The following LYPLA2 variants were observed in gnomAD, a reference collection of about 807,000 sequenced individuals.
LYPLA2 encodes acyl-protein thioesterase 2.
LYPLA2 carries 7 observed loss-of-function variants against 30.3 expected under a neutral mutation model. The observed-to-expected ratio is 0.23, with a 90% CI of 0.13 to 0.43. The LOEUF is 0.43. Among genes scored for constraint, LYPLA2 ranks in the 20% least tolerant of loss-of-function variants. The pLI is 1.00. For missense variants in LYPLA2, 206 were observed against 307.9 expected (o/e 0.67, Z 2.48); for synonymous variants, 112 against 118.2 (o/e 0.95, Z 0.34).
Position 23,793,785 on chromosome 1 carries a change from G to A in LYPLA2, c.224+33G>A, listed in dbSNP as rs570739852. The A allele has an allele frequency of 2.5e-5, 41 of 1,613,336 alleles. No homozygotes were observed. Among genetic ancestry groups the A allele is most frequent in the Admixed American group, 1.0e-4 (6 of 60,018 alleles). ...TGGGAGTGGGGGTGGGCAGGGGGAC[G>A]AGGACACTTGGGCTGAGGGAGCCAC... On this transcript the variant is annotated intron_variant, in intron 5 of 9. Transcript: ENST00000374514. This position sits in a 1 kb window ranked among gnomAD's most constrained non-coding sequence, Gnocchi z 6.0.
chr1:23,792,674 G>C lies in LYPLA2; in HGVS notation c.-9G>C, dbSNP rs369787181. On this transcript the variant is annotated 5_prime_UTR_variant, in exon 2 of 10. Coordinates refer to ENST00000374514, the MANE Select transcript of LYPLA2 (RefSeq NM_007260.3). ...GTATGCAGGCCCCCGCCGTGGAGCC[G>C]TGTGGTGTATGTGTGGTAACACCAT... is the stretch of plus-strand genomic sequence containing the variant. 3 of 1,610,868 alleles carry C rather than the reference G, an allele frequency of 1.9e-6. No individual in the cohort carries two copies. Among genetic ancestry groups the C allele is most frequent in the Non-Finnish European group, 2.5e-6 (3 of 1,179,204 alleles).
Position 23,793,313 on chromosome 1 carries a change from G to GAGCCCAAGCCCCA in LYPLA2, c.176+97_176+98insAGCCCAAGCCCCA. 1 of 1,315,894 alleles carries GAGCCCAAGCCCCA rather than the reference G, an allele frequency of 7.6e-7. No homozygotes were observed. The highest frequency in any genetic ancestry group is 1.1e-6 in the Non-Finnish European group (1 of 922,594). 81.5% of individuals were successfully genotyped at this position (1,315,894 alleles called of 1,614,324 possible). A position where few individuals can be genotyped will look rare whatever the true frequency, so the allele number is the denominator to read the frequency against. The stretch of plus-strand genomic sequence containing the variant: ...TGTTCTCTCCTGTCAGTTGCATCCT[G>GAGCCCAAGCCCCA]GGGCTTGGGCTCAGGGCAGTCAGAA... On this transcript the variant is annotated intron_variant, in intron 4 of 9. Transcript: ENST00000374514. The surrounding 1 kb of genome is among the most constrained non-coding windows in gnomAD (Gnocchi z 6.0).
In LYPLA2 at chr1:23,792,699, T is replaced by C; in HGVS notation, c.17T>C (p.Met6Thr). The C allele has an allele frequency of 1.9e-6, 3 of 1,611,982 alleles. No homozygotes were observed. The highest frequency in any genetic ancestry group is 2.5e-6 in the Non-Finnish European group (3 of 1,179,916). MCGNTMSVPLLTDAAT... is the reference protein window; with the variant it reads MCGNTTSVPLLTDAAT... The stretch of plus-strand genomic sequence containing the variant: ...GTGTGGTGTATGTGTGGTAACACCA[T>C]GTCTGTGCCCCTGCTCACCGATGCT... Residue 6 changes from methionine to threonine, a missense_variant, in exon 2 of 10, where the codon ATG becomes ACG. Transcript: ENST00000374514.
In LYPLA2 at chr1:23,793,762, G is replaced by A; in HGVS notation, c.224+10G>A. The stretch of plus-strand genomic sequence containing the variant: ...TGGTGATGCCCTCCTGGTGAGTTTG[G>A]GAGTGGGGGTGGGCAGGGGGACGAG... On this transcript the variant is annotated intron_variant, in intron 5 of 9. Coordinates refer to ENST00000374514, the MANE Select transcript of LYPLA2 (RefSeq NM_007260.3). The surrounding 1 kb of genome is among the most constrained non-coding windows in gnomAD (Gnocchi z 6.0). The A allele has an allele frequency of 6.2e-7, 1 of 1,614,048 alleles. No individual in the cohort carries two copies. The highest frequency in any genetic ancestry group is 8.5e-7 in the Non-Finnish European group (1 of 1,179,950).
chr1:23,793,508 T>C lies in LYPLA2; in HGVS notation c.177-197T>C. Reference sequence around the variant, plus strand: ...GACCCCGTCACACCAAGCGCTGGGCTCTGCTTCTCCATTACTGGCGCTTTG... The same window carrying C: ...GACCCCGTCACACCAAGCGCTGGGCCCTGCTTCTCCATTACTGGCGCTTTG... On this transcript the variant is annotated intron_variant, in intron 4 of 9. Coordinates refer to ENST00000374514, the MANE Select transcript of LYPLA2 (RefSeq NM_007260.3). The surrounding 1 kb of genome is among the most constrained non-coding windows in gnomAD (Gnocchi z 6.0). The C allele has an allele frequency of 1.5e-6, 1 of 669,242 alleles. No individual in the cohort carries two copies. The highest frequency in any genetic ancestry group is 2.6e-6 in the Non-Finnish European group (1 of 378,354). The allele number at this position is 669,242 out of a possible 1,614,324, so 41.5% of individuals were successfully genotyped here.
chr1:23,793,613 CACCAGGGGCG>C lies in LYPLA2; in HGVS notation c.177-91_177-82del. 2 of 1,330,362 alleles carry C rather than the reference CACCAGGGGCG, an allele frequency of 1.5e-6. No homozygotes were observed. The highest frequency in any genetic ancestry group is 1.2e-5 in the South Asian group (1 of 84,984). The allele number at this position is 1,330,362 out of a possible 1,614,324, so 82.4% of individuals were successfully genotyped here. On this transcript the variant is annotated intron_variant, in intron 4 of 9. Coordinates refer to ENST00000374514, the MANE Select transcript of LYPLA2 (RefSeq NM_007260.3). This position sits in a 1 kb window ranked among gnomAD's most constrained non-coding sequence, Gnocchi z 6.0. ...ACAGGCCCTGCCTGCTGGGAGGGGC[CACCAGGGGCG>C]GCGCGGCCCCACTCCGGGCTCTGAG...
rs1323025453 is a variant in LYPLA2, at chr1:23,793,383, GT to G, written c.176+168del. Among the ~76,000 whole-genome samples, 1 of 152,154 alleles carries G rather than the reference GT, an allele frequency of 6.6e-6. No homozygotes were observed. Among genetic ancestry groups the G allele is most frequent in the Non-Finnish European group, 1.5e-5 (1 of 68,004 alleles). Reference sequence around the variant, plus strand: ...CTCCTGTGGAGCCCCCAGGAGTGGGGTCCAGCACCAGCCCCCAGCCCTAGGG... The same window carrying G: ...CTCCTGTGGAGCCCCCAGGAGTGGGGCCAGCACCAGCCCCCAGCCCTAGGG... On this transcript the variant is annotated intron_variant, in intron 4 of 9. Coordinates refer to ENST00000374514, the MANE Select transcript of LYPLA2 (RefSeq NM_007260.3). This position sits in a 1 kb window ranked among gnomAD's most constrained non-coding sequence, Gnocchi z 6.0.
At chr1:23,792,253 G>A (rs1443922160) in intron 1 of LYPLA2, among the ~76,000 whole-genome samples, 1 of 152,058 alleles carries the variant, frequency 6.6e-6, no homozygotes, top group Non-Finnish European at 1.5e-5. Context: ...ATAGGGCCCG[G>A]AGTTGGGGAG....
At chr1:23,791,816 G>A (rs1240532871) in intron 1 of LYPLA2, among the ~76,000 whole-genome samples, 25 of 152,152 alleles carry the variant, frequency 1.6e-4, no homozygotes, top group Admixed American at 1.6e-3. Flanking sequence ...GTGGGGAGCT[G>A]CCCTCAGGGG....
In LYPLA2 at chr1:23,793,111, TC is replaced by T. The variant is rs757274144; in HGVS notation, c.111-38del. The T allele has an allele frequency of 6.2e-6, 10 of 1,613,684 alleles. No individual in the cohort carries two copies. The highest frequency in any genetic ancestry group is 8.5e-6 in the Non-Finnish European group (10 of 1,179,624). On this transcript the variant is annotated intron_variant, in intron 3 of 9. Coordinates refer to ENST00000374514, the MANE Select transcript of LYPLA2 (RefSeq NM_007260.3). This position sits in a 1 kb window ranked among gnomAD's most constrained non-coding sequence, Gnocchi z 6.0. The stretch of plus-strand genomic sequence containing the variant: ...GCAGCGGACTGGAGAGGCCTTCTCT[TC>T]CTACCACATCGGAGCCTTTTCTCCC...
chr1:23,792,859 G>GAGT (rs1226661007), intron 2 of LYPLA2, 99 bp downstream of exon 2: 1 of 1,315,370 alleles, frequency 7.6e-7, no homozygotes, highest in Non-Finnish European at 1.1e-6. Context: ...GATGAGCAGG[G>GAGT]AGTATCCTGA....
Position 23,795,099 on chromosome 1 carries a change from C to T in LYPLA2, c.*367C>T, listed in dbSNP as rs948360929. 20 of 445,158 alleles carry T rather than the reference C, an allele frequency of 4.5e-5. No homozygotes were observed. Among genetic ancestry groups the T allele is most frequent in the South Asian group, 3.8e-4 (19 of 50,632 alleles). The allele number at this position is 445,158 out of a possible 1,614,324, so 27.6% of individuals were successfully genotyped here. On this transcript the variant is annotated 3_prime_UTR_variant, in exon 10 of 10. Transcript: ENST00000374514. ...CCCCTCCTGTGACCTCAGGGTTTGG[C>T]CCATGGGGCCCCCCCAGGCCCCTGC...
chr1:23,792,614 C>CT, intron 1 of LYPLA2, 43 bp from the exon 2 acceptor site: 1 of 1,270,102 alleles, frequency 7.9e-7, no homozygotes, highest in Non-Finnish European at 1.1e-6. Context: ...GGAGTGTGTC[C>CT]TGTGCCTGGT....
Position 23,794,557 on chromosome 1 carries a change from A to T in LYPLA2, c.602A>T (p.Gln201Leu), listed in dbSNP as rs755557753. 5.6e-6 allele frequency: 9 copies of T among 1,614,042 alleles called. No homozygotes were observed. The Admixed American group carries it at 1.5e-4, about 27-fold the overall frequency. The stretch of plus-strand genomic sequence containing the variant: ...TCTGTTGTCACACCTGCCAGGGTCC[A>T]GTTCAAGACATACCCGGGTGTCATG... ...LRSVVTPARV[Q>L]FKTYPGVMHS... The change falls in exon 9 of 10, where the codon CAG (glutamine) becomes CTG (leucine). Residue 201 changes from glutamine to leucine, a missense_variant. By Grantham distance (113) the Gln-to-Leu change is moderately radical. Transcript: ENST00000374514. The surrounding 1 kb of genome is among the most constrained non-coding windows in gnomAD (Gnocchi z 5.9).
rs755575326 is a variant in LYPLA2 at position 23,792,746 on chromosome 1, C to T, written c.64C>T (p.Arg22Trp). ...TGCTGCCACCGTGTCTGGAGCTGAGCGGGAAACGGCCGCGGTAAGGGTCCC... is the reference window on the plus strand; with the variant it reads ...TGCTGCCACCGTGTCTGGAGCTGAGTGGGAAACGGCCGCGGTAAGGGTCCC... Reference protein sequence around the residue: ...TDAATVSGAERETAAVIFLHG... With the variant: ...TDAATVSGAEWETAAVIFLHG... The change falls in exon 2 of 10, where the codon CGG (arginine) becomes TGG (tryptophan). Residue 22 changes from arginine to tryptophan, a missense_variant. Transcript: ENST00000374514. 3 of 1,612,500 alleles carry T rather than the reference C, an allele frequency of 1.9e-6. No individual in the cohort carries two copies. Among genetic ancestry groups the T allele is most frequent in the South Asian group, 2.2e-5 (2 of 91,010 alleles).
rs1638830136 is a variant in LYPLA2 at position 23,793,022 on chromosome 1, T to C, written c.93T>C (p.His31=). ...TCCTTTTCCAGGTTATTTTTTTACATGGACTTGGAGACACAGGGTAAGTGA... is the reference window on the plus strand; with the variant it reads ...TCCTTTTCCAGGTTATTTTTTTACACGGACTTGGAGACACAGGGTAAGTGA... ...ERETAAVIFL[H]GLGDTGHSWA... is the part of the protein sequence containing the mutation. Residue 31 remains histidine (H), a synonymous_variant, in exon 3 of 10, where the codon CAT becomes CAC. Transcript: ENST00000374514. The surrounding 1 kb of genome is among the most constrained non-coding windows in gnomAD (Gnocchi z 6.0). 1 of 1,613,066 alleles carries C rather than the reference T, an allele frequency of 6.2e-7. No homozygotes were observed. Among genetic ancestry groups the C allele is most frequent in the African/African-American group, 1.3e-5 (1 of 74,862 alleles).
At position 23,793,794 on chromosome 1, in the gene LYPLA2, T is replaced by G. The variant is rs1045721282; in HGVS notation, c.224+42T>G. ...GGGTGGGCAGGGGGACGAGGACACT[T>G]GGGCTGAGGGAGCCACAGGGGGCTG... is the stretch of plus-strand genomic sequence containing the variant. On this transcript the variant is annotated intron_variant, in intron 5 of 9. Transcript: ENST00000374514. This position sits in a 1 kb window ranked among gnomAD's most constrained non-coding sequence, Gnocchi z 6.0. The G allele has an allele frequency of 3.5e-5, 56 of 1,612,668 alleles. No homozygotes were observed. Among genetic ancestry groups the G allele is most frequent in the Non-Finnish European group, 4.7e-5 (55 of 1,178,914 alleles).
In LYPLA2 at chr1:23,795,040, A is replaced by T; in HGVS notation, c.*308A>T. ...AAGGGGCCCAGCCGCTGACCCACTC[A>T]CTCAGGACCTCACTCACTAGCCCCG... On this transcript the variant is annotated 3_prime_UTR_variant, in exon 10 of 10. Transcript: ENST00000374514. The T allele has an allele frequency of 1.7e-6, 1 of 592,640 alleles. No individual in the cohort carries two copies. The highest frequency in any genetic ancestry group is 3.1e-6 in the Non-Finnish European group (1 of 318,134). The allele number at this position is 592,640 out of a possible 1,614,324, so 36.7% of individuals were successfully genotyped here.
In LYPLA2 at chr1:23,794,021, C is replaced by T. The variant is rs766352959; in HGVS notation, c.296-42C>T. On this transcript the variant is annotated intron_variant, in intron 6 of 9. Coordinates refer to ENST00000374514, the MANE Select transcript of LYPLA2 (RefSeq NM_007260.3). The surrounding 1 kb of genome is among the most constrained non-coding windows in gnomAD (Gnocchi z 5.9). ...CTCAGCCTAGCTCCCTTATTGGGCC[C>T]CTTGGCAGCTTCCCTCTACCCACTC... 14 of 1,601,046 alleles carry T rather than the reference C, an allele frequency of 8.7e-6. No individual in the cohort carries two copies. The African/African-American group carries it at 1.6e-4, about 18-fold the overall frequency.
Sources: allele counts gnomAD v4.1 joint callset (sites outside exome capture counted in the v4.1 genomes callset), GRCh38; gene constraint gnomAD v4.1.1; non-coding constraint Gnocchi (gnomAD v3.1); transcripts MANE v1.5; gene names NCBI Gene and HGNC (gene_info 2026-07-23, HGNC 2026-07-21).